Variants in MAF observed in about 807,000 individuals in gnomAD.
MAF encodes the protein transcription factor Maf.
A neutral mutation model predicts 22.0 loss-of-function variants in MAF; 10 were observed. That is an observed-to-expected ratio of 0.45 (90% confidence interval 0.28 to 0.77). The LOEUF (loss-of-function observed/expected upper bound fraction) is 0.77. MAF is among the 30% of genes least tolerant of loss of function. MAF has a pLI of 0.12. For missense variants in MAF, 544 were observed against 548.4 expected (o/e 0.99, Z 0.08); for synonymous variants, 337 against 255.8 (o/e 1.32, Z -3.03).
chr16:79,518,796 A>C, the MAF span, among the ~76,000 whole-genome samples: 2 of 152,274 alleles, frequency 1.3e-5, no homozygotes, highest in East Asian at 3.9e-4. Flanking sequence ...TTGGTGGCGC[A>C]TGCCCATAAT....
chr16:79,207,772 T>C, the MAF span, among the ~76,000 whole-genome samples: 53 of 140,860 alleles, frequency 3.8e-4, no homozygotes, highest in Non-Finnish European at 4.1e-4. Context: ...GCATTACAAA[T>C]ATCAATATGT....
At chr16:79,328,549 G>A in the MAF span, among the ~76,000 whole-genome samples, 1 of 152,184 alleles carries the variant, frequency 6.6e-6, no homozygotes, top group African/African-American at 2.4e-5. Flanking sequence ...CAATATGAGA[G>A]CAAGAGGGAG....
the MAF span, among the ~76,000 whole-genome samples, chr16:79,404,638 A>AT: frequency 6.2e-3 from 929 of 149,004 alleles, 7 homozygotes; most frequent in Non-Finnish European, 8.9e-3. Flanking sequence ...TTTTTTTTAA[A>AT]TTTTTTTTTT....
At chr16:79,507,558 G>C in the MAF span, among the ~76,000 whole-genome samples, 2 of 151,880 alleles carry the variant, frequency 1.3e-5, no homozygotes, top group East Asian at 3.9e-4. Flanking sequence ...CTGAGTAGCT[G>C]GGACTACAGG....
At chr16:79,503,814 G>C in the MAF span, among the ~76,000 whole-genome samples, 48 of 152,146 alleles carry the variant, frequency 3.2e-4, 1 homozygote, top group African/African-American at 2.7e-4. Flanking sequence ...CCGTAGTCTT[G>C]ACCTTCTTTC....
chr16:79,558,736 G>T, the MAF span, among the ~76,000 whole-genome samples: 2 of 152,154 alleles, frequency 1.3e-5, no homozygotes, highest in African/African-American at 2.4e-5. Flanking sequence ...CCCAGCTAGG[G>T]TTAAATTCAA....
chr16:79,532,273 A>G, the MAF span, among the ~76,000 whole-genome samples: 5 of 152,198 alleles, frequency 3.3e-5, no homozygotes, highest in African/African-American at 1.2e-4. Flanking sequence ...AGGAGGGTTG[A>G]GAACAAACAG....
the MAF span, among the ~76,000 whole-genome samples, chr16:79,494,389 G>A: frequency 6.6e-6 from 1 of 152,050 alleles, no homozygotes; most frequent in Non-Finnish European, 1.5e-5. Flanking sequence ...ACCTCCCAGA[G>A]GCCTCTCTCT....
the MAF span, among the ~76,000 whole-genome samples, chr16:79,520,762 C>A: frequency 6.6e-6 from 1 of 152,100 alleles, no homozygotes; most frequent in Admixed American, 6.5e-5. Context: ...ATTTCTGCAC[C>A]TGAAAGCAAG....
the MAF span, among the ~76,000 whole-genome samples, chr16:79,388,093 C>T: frequency 6.6e-6 from 1 of 152,222 alleles, no homozygotes. Context: ...ACAGCGTCCA[C>T]TCTCCTGGTT....
At chr16:79,463,869 G>T in the MAF span, among the ~76,000 whole-genome samples, 16 of 151,440 alleles carry the variant, frequency 1.1e-4, no homozygotes, top group Admixed American at 1.1e-3. Flanking sequence ...TGCAGGTGTG[G>T]TGTTCTTTGA....
the MAF span, among the ~76,000 whole-genome samples, chr16:79,251,826 C>T: frequency 5.9e-5 from 9 of 152,112 alleles, no homozygotes; most frequent in African/African-American, 1.2e-4. Flanking sequence ...TGGGTTTAGA[C>T]GTAATCTTCA....
At chr16:79,357,149 G>C in the MAF span, among the ~76,000 whole-genome samples, 3 of 152,126 alleles carry the variant, frequency 2.0e-5, no homozygotes, top group African/African-American at 7.2e-5. Flanking sequence ...CCAGCTATTT[G>C]GGAGGCTGAG....
chr16:79,421,736 A>G, the MAF span, among the ~76,000 whole-genome samples: 2 of 151,404 alleles, frequency 1.3e-5, no homozygotes, highest in Non-Finnish European at 2.9e-5. Flanking sequence ...TCCTGGGCTC[A>G]AGCATCCTCC....
the MAF span, among the ~76,000 whole-genome samples, chr16:79,552,815 C>A: frequency 6.6e-6 from 1 of 152,152 alleles, no homozygotes; most frequent in Non-Finnish European, 1.5e-5. Context: ...ACCTTCAAGG[C>A]TGGTGCAAAG....
the MAF span, among the ~76,000 whole-genome samples, chr16:79,390,285 A>ATT: frequency 6.6e-6 from 1 of 151,946 alleles, no homozygotes; most frequent in African/African-American, 2.4e-5. Context: ...GATTATTATT[A>ATT]TTATTATTTT....
At chr16:79,473,098 G>A in the MAF span, among the ~76,000 whole-genome samples, 1 of 152,142 alleles carries the variant, frequency 6.6e-6, no homozygotes, top group African/African-American at 2.4e-5. Flanking sequence ...AACTGGGGAT[G>A]CCTTTTTTGA....
chr16:79,501,241 G>T, the MAF span, among the ~76,000 whole-genome samples: 6,355 of 152,182 alleles, frequency 0.042, 437 homozygotes, highest in African/African-American at 0.14. Flanking sequence ...CTCCTTGAAG[G>T]GTTGTCAGAT....
the MAF span, among the ~76,000 whole-genome samples, chr16:79,300,981 G>C: frequency 2.6e-5 from 4 of 152,042 alleles, no homozygotes; most frequent in African/African-American, 9.7e-5. Flanking sequence ...GGGGCAGAAG[G>C]GGGAGGAGAC....
Sources: allele counts gnomAD v4.1 joint callset (sites outside exome capture counted in the v4.1 genomes callset), GRCh38; gene constraint gnomAD v4.1.1; transcripts MANE v1.5; gene names NCBI Gene and HGNC (gene_info 2026-07-23, HGNC 2026-07-21).